FCN2: variants seen among roughly 807,000 people sequenced by gnomAD.
FCN2 encodes the protein ficolin-2.
In FCN2, 31 loss-of-function variants were observed where a neutral mutation model predicts 32.5. The ratio of observed to expected loss-of-function variants is 0.96; its 90% CI spans 0.72 to 1.29. FCN2 has a LOEUF of 1.29. Ranked by LOEUF, FCN2 falls within the 50% of genes most tolerant of loss-of-function variation. FCN2 has a pLI of 0.00. For synonymous variants in FCN2, 181 were observed against 164.5 expected, an observed-to-expected ratio of 1.10 and a Z score of -0.77; for missense variants, 412 against 406.5, an observed-to-expected ratio of 1.01 and a Z score of -0.12.
At chr9:134,880,973 G>A (rs778352653) in intron 1 of FCN2, 52 bp downstream of exon 1, 6 of 1,365,070 alleles carry the variant, frequency 4.4e-6, no homozygotes, top group Non-Finnish European at 5.2e-6. Context: ...CTGAAAGCTG[G>A]CAGCTTCGTG....
At chr9:134,866,551 G>C in the FCN2 span, among the ~76,000 whole-genome samples, 11 of 149,876 alleles carry the variant, frequency 7.3e-5, no homozygotes, top group Non-Finnish European at 1.7e-4. Flanking sequence ...AGAAAACCTA[G>C]GCATTACCAT....
the FCN2 span, among the ~76,000 whole-genome samples, chr9:134,864,344 G>A: frequency 1.3e-5 from 2 of 152,208 alleles, no homozygotes; most frequent in Non-Finnish European, 2.9e-5. Context: ...CCTTCTGCTG[G>A]GCAGAGCGTC....
chr9:134,864,477 C>A, the FCN2 span, among the ~76,000 whole-genome samples: 1 of 152,324 alleles, frequency 6.6e-6, no homozygotes, highest in Non-Finnish European at 1.5e-5. Flanking sequence ...GTGGCCATCC[C>A]CACTGGGGTT....
intron 3 of FCN2, among the ~76,000 whole-genome samples, chr9:134,883,982 G>GT (rs1830706121): frequency 6.7e-6 from 1 of 150,030 alleles, no homozygotes; most frequent in African/African-American, 2.5e-5. Context: ...GAGAGGGTGG[G>GT]GGGGGATTGT....
rs774750697 is a variant in FCN2, at chr9:134,880,828, C to A, written c.7C>A (p.Leu3Met). The A allele has an allele frequency of 1.2e-6, 2 of 1,613,066 alleles. No individual in the cohort carries two copies. The highest frequency in any genetic ancestry group is 2.7e-5 in the African/African-American group (2 of 74,912). Residue 3 changes from leucine to methionine, a missense_variant, in exon 1 of 8, where the codon CTG (leucine) becomes ATG (methionine). Physicochemically the swap from Leu to Met is conservative, Grantham distance 15. Transcript: ENST00000291744. ME[L>M]DRAVGVLGAA... ...GAAGCAAAGACCAGAAGAGATGGAGCTGGACAGAGCTGTGGGGGTCCTGGG... is the reference window on the plus strand; with the variant it reads ...GAAGCAAAGACCAGAAGAGATGGAGATGGACAGAGCTGTGGGGGTCCTGGG...
chr9:134,882,723 C>A lies in FCN2; in HGVS notation c.214+84C>A, dbSNP rs4509412. 7,451 of 961,304 alleles carry A rather than the reference C, an allele frequency of 7.8e-3. 347 individuals carry two copies. In the African/African-American group the frequency reaches 0.11, roughly 14 times the overall value. 59.5% of individuals were successfully genotyped at this position (961,304 alleles called of 1,614,324 possible). A position where few individuals can be genotyped will look rare whatever the true frequency, so the allele number is the denominator to read the frequency against. ...GTTGGGCAACACCCCCACCATGGTT[C>A]CTAGATCGAGAGCTGGGTCAGGCCC... On this transcript the variant is annotated intron_variant, in intron 2 of 7. Coordinates refer to ENST00000291744, the MANE Select transcript of FCN2 (RefSeq NM_004108.3).
chr9:134,885,439 C>T (rs150012177), intron 5 of FCN2, 73 bp downstream of exon 5: 1 of 1,582,202 alleles, frequency 6.3e-7, no homozygotes, highest in Non-Finnish European at 8.6e-7. Flanking sequence ...GGTGGGAGAA[C>T]ACACTCTGGA....
At position 134,886,036 on chromosome 9, in the gene FCN2, G is replaced by A. The variant is rs899725671; in HGVS notation, c.559+139G>A. ...CTGAGCACACTCAGGGTGGCACTGG[G>A]ACCTCCGAGGGCTTCGTCCCTGCTG... On this transcript the variant is annotated intron_variant, in intron 6 of 7. Transcript: ENST00000291744. The A allele has an allele frequency of 1.9e-5, 17 of 892,392 alleles. No homozygotes were observed. In the Admixed American group the frequency reaches 2.8e-4, roughly 15 times the overall value. 55.3% of individuals were successfully genotyped at this position (892,392 alleles called of 1,614,324 possible).
the FCN2 span, among the ~76,000 whole-genome samples, chr9:134,872,059 T>C: frequency 2.0e-5 from 3 of 152,200 alleles, no homozygotes; most frequent in African/African-American, 7.2e-5. Context: ...CTGCTGCCTG[T>C]CTTCCTCCCC....
intron 5 of FCN2, 125 bp from the exon 6 acceptor site, chr9:134,885,643 C>A (rs980520444): frequency 3.0e-6 from 4 of 1,318,976 alleles, no homozygotes; most frequent in Admixed American, 3.7e-5. Flanking sequence ...AACAGGTGGG[C>A]GTGCTGGTGA....
chr9:134,882,543 C>T lies in FCN2; in HGVS notation c.118C>T (p.Leu40=), dbSNP rs778651615. The T allele has an allele frequency of 1.2e-6, 2 of 1,614,168 alleles. No homozygotes were observed. The highest frequency in any genetic ancestry group is 3.3e-5 in the Admixed American group (2 of 60,028). The change falls in exon 2 of 8, where the codon CTG becomes TTG. Residue 40 remains leucine, a synonymous_variant. Transcript: ENST00000291744. The stretch of plus-strand genomic sequence containing the variant: ...TTCTGCAGAGGTGAAGATGGTGGGC[C>T]TGGAGGGCTCTGACAAGCTCACCAT... The part of the protein sequence containing the change: ...DTCPEVKMVG[L]EGSDKLTILR...
In FCN2 at chr9:134,887,286, T is replaced by A. The variant is rs1228647916; in HGVS notation, c.813T>A (p.His271Gln). ...FQGAWWYKNC[H>Q]VSNLNGRYLR... ...GAGCTTGGTGGTACAAAAACTGCCA[T>A]GTGTCAAACCTGAATGGTCGCTACC... The change falls in exon 8 of 8, where the codon CAT (histidine) becomes CAA (glutamine). Residue 271 changes from histidine to glutamine, a missense_variant. Coordinates refer to ENST00000291744, the MANE Select transcript of FCN2 (RefSeq NM_004108.3). The A allele has an allele frequency of 6.2e-7, 1 of 1,614,052 alleles. No individual in the cohort carries two copies. Among genetic ancestry groups the A allele is most frequent in the Non-Finnish European group, 8.5e-7 (1 of 1,180,032 alleles).
Position 134,885,839 on chromosome 9 carries a change from C to T in FCN2, c.501C>T (p.Gly167=), listed in dbSNP as rs533997283. The part of the protein sequence containing the change: ...RDWATYKQGF[G]SRLGEFWLGN... ...GGGCCACGTACAAGCAGGGCTTCGG[C>T]AGTCGGCTGGGGGAGTTCTGGCTGG... is the stretch of plus-strand genomic sequence containing the variant. The change falls in exon 6 of 8, where the codon GGC becomes GGT. Residue 167 remains glycine (G), a synonymous_variant. Transcript: ENST00000291744. The T allele has an allele frequency of 1.2e-5, 20 of 1,613,896 alleles. No individual in the cohort carries two copies. The South Asian group carries it at 2.2e-4, about 18-fold the overall frequency.
upstream of FCN2, among the ~76,000 whole-genome samples, chr9:134,879,752 C>T (rs754869941): frequency 3.9e-5 from 6 of 152,242 alleles, no homozygotes; most frequent in East Asian, 7.7e-4. Flanking sequence ...TTGTTTCTCG[C>T]GTGGCTTTGC....
At chr9:134,864,304 G>T in the FCN2 span, among the ~76,000 whole-genome samples, 1 of 152,170 alleles carries the variant, frequency 6.6e-6, no homozygotes, top group Non-Finnish European at 1.5e-5. Context: ...ACACAAACAG[G>T]CAGGCCCTTC....
chr9:134,880,783 T>A, upstream of FCN2: 2 of 1,537,944 alleles, frequency 1.3e-6, no homozygotes, highest in Non-Finnish European at 1.8e-6. Flanking sequence ...TCTAGCCCTA[T>A]AAGAGGGCAG....
At chr9:134,880,268 C>A (rs532182965), upstream of FCN2, among the ~76,000 whole-genome samples, 2 of 152,274 alleles carry the variant, frequency 1.3e-5, no homozygotes, top group South Asian at 4.1e-4. Context: ...TGGACACACA[C>A]GCATTTTCCT....
At chr9:134,873,906 TTTGTTTTTGTTTTTTG>T in the FCN2 span, among the ~76,000 whole-genome samples, 7 of 20,438 alleles carry the variant, frequency 3.4e-4, no homozygotes, top group East Asian at 0.016. Flanking sequence ...TTTGTTTTTT[TTTGTTTTTGTTTTTTG>T]TTTTTTGATA....
At chr9:134,868,016 G>C in the FCN2 span, among the ~76,000 whole-genome samples, 1 of 152,206 alleles carries the variant, frequency 6.6e-6, no homozygotes, top group East Asian at 1.9e-4. The surrounding 1 kb of genome is among the most constrained non-coding windows in gnomAD (Gnocchi z 4.3). Context: ...AGAGCACAAA[G>C]CTCAGAGGAG....
Sources: gnomAD v4.1 joint callset for allele counts (sites outside exome capture counted in the v4.1 genomes callset) on GRCh38, gnomAD v4.1.1 for gene constraint, Gnocchi (gnomAD v3.1) non-coding constraint, MANE v1.5 for transcripts, NCBI Gene and HGNC (gene_info 2026-07-23, HGNC 2026-07-21) for gene names.